The following POLD1 variants were observed in gnomAD, a reference collection of about 807,000 sequenced individuals.
The protein encoded by POLD1 is DNA polymerase delta catalytic subunit.
Under a neutral mutation model 129.7 loss-of-function variants are expected in POLD1, and 79 were observed. That is an observed-to-expected ratio of 0.61 (90% CI 0.51 to 0.73). The LOEUF is 0.73. Among genes scored for constraint, POLD1 ranks in the 30% least tolerant of loss-of-function variants. The pLI, the probability that POLD1 is intolerant of heterozygous loss-of-function variation, is 0.00. For synonymous variants in POLD1, 714 were observed against 683.3 expected (o/e 1.04, Z -0.70); for missense variants, 1,338 against 1,595.8 (o/e 0.84, Z 2.75).
intron 20 of POLD1, 140 bp downstream of exon 20, chr19:50,415,130 G>C (rs903650705): frequency 3.3e-5 from 26 of 798,892 alleles, no homozygotes; most frequent in Non-Finnish European, 4.5e-5. Context: ...TCAGATCCCG[G>C]GGTCAGGGCC....
intron 17 of POLD1, among the ~76,000 whole-genome samples, chr19:50,410,564 T>C (rs1214569351): frequency 6.6e-6 from 1 of 152,154 alleles, no homozygotes; most frequent in Admixed American, 6.5e-5. Flanking sequence ...CTCATGGTTA[T>C]GATTTAATAC....
intron 14 of POLD1, 37 bp downstream of exon 14, chr19:50,407,452 T>C (rs1283671070): frequency 7.1e-7 from 1 of 1,411,622 alleles, no homozygotes; most frequent in Non-Finnish European, 9.7e-7. Context: ...TTACCTGTAA[T>C]CTCTGGGAGG....
rs763386334 is a variant in POLD1, at chr19:50,414,856, G to C, written c.2430G>C (p.Ala810=). 6.3e-6 allele frequency: 10 copies of C among 1,598,562 alleles called. No homozygotes were observed. The highest frequency in any genetic ancestry group is 8.5e-6 in the Non-Finnish European group (10 of 1,170,320). ...PYLLISKKRY[A]GLLFSSRPDA... ...TGCTTATCAGCAAGAAGCGCTACGC[G>C]GGCCTGCTCTTCTCCTCCCGGCCCG... is the stretch of plus-strand genomic sequence containing the variant. The change falls in exon 20 of 27, where the codon GCG becomes GCC. Residue 810 remains alanine (A), a synonymous_variant. Transcript: ENST00000440232.
Position 50,415,375 on chromosome 19 carries a change from G to C in POLD1, c.2565-63G>C, listed in dbSNP as rs148138855. 5.0e-4 allele frequency: 761 copies of C among 1,528,784 alleles called. 1 individual carries two copies. In the African/African-American group the frequency reaches 9.2e-3, roughly 18 times the overall value. The allele number at this position is 1,528,784 out of a possible 1,614,324, so 94.7% of individuals were successfully genotyped here. Reference sequence around the variant, plus strand: ...ATCCTGGTCTCCAGCCCTGAGACCCGTGGAGGCACCAGCCTGGCCCTCAGT... The same window carrying C: ...ATCCTGGTCTCCAGCCCTGAGACCCCTGGAGGCACCAGCCTGGCCCTCAGT... On this transcript the variant is annotated intron_variant, in intron 20 of 26. Transcript: ENST00000440232.
At chr19:50,416,827 G>A in intron 24 of POLD1, 104 bp downstream of exon 24, 1 of 1,015,576 alleles carries the variant, frequency 9.8e-7, no homozygotes, top group Non-Finnish European at 1.4e-6. Context: ...CACCCAGTGG[G>A]CCCAGGGCCC....
chr19:50,409,023 G>A lies in POLD1; in HGVS notation c.1893-99G>A. ...TAGTAGGGAGTGGAGGGGTGCTTGA[G>A]GGGCCTGCGTGTGCTCATGGCCAAG... On this transcript the variant is annotated intron_variant, in intron 15 of 26. Coordinates refer to ENST00000440232, the MANE Select transcript of POLD1 (RefSeq NM_002691.4). The surrounding 1 kb of genome is among the most constrained non-coding windows in gnomAD (Gnocchi z 5.8). 1.5e-6 allele frequency: 2 copies of A among 1,324,932 alleles called. No individual in the cohort carries two copies. Among genetic ancestry groups the A allele is most frequent in the Middle Eastern group, 1.9e-4 (1 of 5,344 alleles). 82.1% of individuals were successfully genotyped at this position (1,324,932 alleles called of 1,614,324 possible). A position where few individuals can be genotyped will look rare whatever the true frequency, so the allele number is the denominator to read the frequency against.
chr19:50,412,737 G>GTGT (rs541800255), intron 17 of POLD1, among the ~76,000 whole-genome samples: 3,440 of 145,688 alleles, frequency 0.024, 143 homozygotes, highest in African/African-American at 0.091. Flanking sequence ...GGTGGTGGTG[G>GTGT]TGTTGTTGTT....
intron 8 of POLD1, 96 bp downstream of exon 8, chr19:50,402,837 G>T: frequency 1.3e-6 from 2 of 1,491,956 alleles, no homozygotes. Flanking sequence ...AAGCATGAAG[G>T]TGCCGGGGCA....
chr19:50,388,139 A>G (rs941300555), intron 1 of POLD1, among the ~76,000 whole-genome samples: 4 of 152,210 alleles, frequency 2.6e-5, no homozygotes, highest in African/African-American at 4.8e-5. Context: ...GGAGACAGAA[A>G]GTTAGATGAG....
chr19:50,388,724 G>C (rs144336232), intron 1 of POLD1, among the ~76,000 whole-genome samples: 11 of 150,750 alleles, frequency 7.3e-5, no homozygotes, highest in African/African-American at 2.2e-4. Flanking sequence ...CTTTATCCAA[G>C]CACATGCATA....
At chr19:50,402,935 G>A (rs2038715366) in intron 8 of POLD1, 118 bp from the exon 9 acceptor site, 7 of 1,384,272 alleles carry the variant, frequency 5.1e-6, no homozygotes, top group Non-Finnish European at 6.9e-6. Flanking sequence ...GAGCCAGGGT[G>A]AGCCACGTAG....
intron 17 of POLD1, among the ~76,000 whole-genome samples, chr19:50,412,033 G>C (rs1601234349): frequency 6.6e-6 from 1 of 152,204 alleles, no homozygotes; most frequent in Non-Finnish European, 1.5e-5. Flanking sequence ...TGTAGTTGCA[G>C]CTACTCAGGA....
chr19:50,395,002 ATT>A (rs113163456), intron 1 of POLD1: 1,916 of 133,382 alleles, frequency 0.014, 43 homozygotes, highest in African/African-American at 0.047. Context: ...TGCCCAGCTA[ATT>A]TTTTTTTTTT....
At chr19:50,408,742 A>G (rs2122364248) in intron 14 of POLD1, 43 bp from the exon 15 acceptor site, 1 of 1,603,602 alleles carries the variant, frequency 6.2e-7, no homozygotes, top group Non-Finnish European at 8.5e-7. Context: ...GCGGCATGGG[A>G]ACTCCTAGCC....
intron 14 of POLD1, among the ~76,000 whole-genome samples, chr19:50,408,098 A>G (rs1196262365): frequency 6.6e-6 from 1 of 151,120 alleles, no homozygotes. Flanking sequence ...GCACTTTGGG[A>G]GGTCAAGGCA....
At chr19:50,388,291 T>C (rs992376711) in intron 1 of POLD1, among the ~76,000 whole-genome samples, 1 of 152,206 alleles carries the variant, frequency 6.6e-6, no homozygotes, top group Non-Finnish European at 1.5e-5. Flanking sequence ...CATTGAACTA[T>C]ATATACTTTA....
intron 1 of POLD1, among the ~76,000 whole-genome samples, chr19:50,385,252 C>A (rs1284552380): frequency 6.6e-6 from 1 of 152,068 alleles, no homozygotes; most frequent in African/African-American, 2.4e-5. Context: ...GAATCAGGCT[C>A]CGGTTACCTT....
At position 50,384,364 on chromosome 19, in the gene POLD1, T is replaced by G. The variant is rs56259742; in HGVS notation, c.-28T>G. On this transcript the variant is annotated 5_prime_UTR_variant, in exon 1 of 27. Transcript: ENST00000440232. Reference sequence around the variant, plus strand: ...AGTCAGGGGTCACGGCGGCGTAGGCTGTGGCGGGAAACGCTGTTTGAAGCG... The same window carrying G: ...AGTCAGGGGTCACGGCGGCGTAGGCGGTGGCGGGAAACGCTGTTTGAAGCG... 3 of 152,288 alleles carry G rather than the reference T, an allele frequency of 2.0e-5. No homozygotes were observed. The East Asian group carries it at 5.8e-4, about 29-fold the overall frequency. 9.4% of individuals were successfully genotyped at this position (152,288 alleles called of 1,614,324 possible). A position where few individuals can be genotyped will look rare whatever the true frequency, so the allele number is the denominator to read the frequency against.
At chr19:50,398,230 G>A (rs184231853) in intron 1 of POLD1, among the ~76,000 whole-genome samples, 59 of 152,264 alleles carry the variant, frequency 3.9e-4, no homozygotes. Flanking sequence ...TGGGCAGATG[G>A]GTGGTTGGTA....
Sources: allele counts gnomAD v4.1 joint callset (sites outside exome capture counted in the v4.1 genomes callset), GRCh38; gene constraint gnomAD v4.1.1; non-coding constraint Gnocchi (gnomAD v3.1); transcripts MANE v1.5; gene names NCBI Gene and HGNC (gene_info 2026-07-23, HGNC 2026-07-21).